The following ATP8A2 variants were observed in gnomAD, a reference collection of about 807,000 sequenced individuals.
ATP8A2 encodes the protein phospholipid-transporting ATPase IB.
ATP8A2 carries 100 observed loss-of-function variants against 165.6 expected under a neutral mutation model. The observed-to-expected ratio is 0.60, with a 90% CI of 0.51 to 0.71. The LOEUF is 0.71. Ranked by LOEUF, ATP8A2 falls within the 30% of genes least tolerant of loss-of-function variation. The pLI is 0.00. For missense variants in ATP8A2, 1,227 were observed against 1,479.5 expected (o/e 0.83, Z 2.80); for synonymous variants, 543 against 548.8 (o/e 0.99, Z 0.15).
rs1957088880 is a variant in ATP8A2 at position 26,022,037 on chromosome 13, A to G, written c.*2052A>G. The G allele has an allele frequency of 6.6e-6, 1 of 152,202 alleles. No homozygotes were observed. Among genetic ancestry groups the G allele is most frequent in the South Asian group, 2.1e-4 (1 of 4,824 alleles). The allele number at this position is 152,202 out of a possible 1,614,324, so 9.4% of individuals were successfully genotyped here. ...AATGCAATTCACAGGTGAGGCTCCA[A>G]AAAGGGCCATTTCTTTCTCCCCAAG... On this transcript the variant is annotated 3_prime_UTR_variant, in exon 37 of 37. Transcript: ENST00000381655.
intron 33 of ATP8A2, among the ~76,000 whole-genome samples, chr13:25,920,538 G>T (rs61947369): frequency 7.9e-5 from 12 of 152,020 alleles, no homozygotes; most frequent in Non-Finnish European, 1.5e-5. Context: ...GCCAAAAGCC[G>T]AAGTCCTCCC....
intron 33 of ATP8A2, among the ~76,000 whole-genome samples, chr13:25,928,602 GT>G (rs982211781): frequency 6.6e-6 from 1 of 152,204 alleles, no homozygotes; most frequent in Non-Finnish European, 1.5e-5. Flanking sequence ...CAGAAGTGGT[GT>G]TTCAATAATA....
In ATP8A2 at chr13:25,563,942, G is replaced by A. The variant is rs2039236459; in HGVS notation, c.1398-14G>A. The A allele has an allele frequency of 6.3e-7, 1 of 1,594,308 alleles. No homozygotes were observed. Among genetic ancestry groups the A allele is most frequent in the African/African-American group, 1.3e-5 (1 of 74,470 alleles). On this transcript the variant is annotated splice_polypyrimidine_tract_variant and intron_variant, in intron 15 of 36. Coordinates refer to ENST00000381655, the MANE Select transcript of ATP8A2 (RefSeq NM_016529.6). Reference sequence around the variant, plus strand: ...CTTTTAAATTGAATAAATTTTCTCTGTTCTCTCTTACAGTCGGATGCCTCC... The same window carrying A: ...CTTTTAAATTGAATAAATTTTCTCTATTCTCTCTTACAGTCGGATGCCTCC...
In ATP8A2 at chr13:25,900,623, G is replaced by A. The variant is rs564575592; in HGVS notation, c.3183+38215G>A. Among the ~76,000 whole-genome samples the A allele has an allele frequency of 2.9e-4, 44 of 152,318 alleles. 1 individual carries two copies. In the South Asian group the frequency reaches 5.2e-3, roughly 18 times the overall value. On this transcript the variant is annotated intron_variant, in intron 33 of 36. Coordinates refer to ENST00000381655, the MANE Select transcript of ATP8A2 (RefSeq NM_016529.6). ...TAATAAGGAAGGGGCACACTGAGGC[G>A]TGTTCAACCTTATGTCTGATGTGGT...
intron 24 of ATP8A2, among the ~76,000 whole-genome samples, chr13:25,624,458 A>C (rs761996704): frequency 6.6e-6 from 1 of 152,084 alleles, no homozygotes; most frequent in Non-Finnish European, 1.5e-5. Flanking sequence ...TTTCACTTCA[A>C]TGTAATTTAT....
chr13:25,486,799 C>T (rs181915982), intron 2 of ATP8A2, among the ~76,000 whole-genome samples: 4 of 152,198 alleles, frequency 2.6e-5, no homozygotes, highest in Admixed American at 6.5e-5. Flanking sequence ...AACCCCATCT[C>T]TATCAAAAGT....
intron 2 of ATP8A2, among the ~76,000 whole-genome samples, chr13:25,489,533 C>A (rs1401652767): frequency 6.6e-6 from 1 of 152,222 alleles, no homozygotes; most frequent in Non-Finnish European, 1.5e-5. Context: ...GACTCTCCTG[C>A]TCTGCTGTGT....
At chr13:25,375,974 T>C (rs2032611292) in intron 1 of ATP8A2, among the ~76,000 whole-genome samples, 1 of 152,144 alleles carries the variant, frequency 6.6e-6, no homozygotes, top group South Asian at 2.1e-4. Flanking sequence ...TTAATGTGTG[T>C]TTTCTGTTTT....
intron 24 of ATP8A2, among the ~76,000 whole-genome samples, chr13:25,641,314 TG>T (rs2041514488): frequency 2.0e-5 from 3 of 152,266 alleles, no homozygotes; most frequent in African/African-American, 7.2e-5. Flanking sequence ...GAAGTCAAAT[TG>T]CCCCTGTTTG....
At chr13:25,867,233 A>G (rs1319510203) in intron 33 of ATP8A2, among the ~76,000 whole-genome samples, 1 of 150,656 alleles carries the variant, frequency 6.6e-6, no homozygotes, top group Non-Finnish European at 1.5e-5. Context: ...ATCCCAGTGG[A>G]CTGTAAGTAA....
chr13:25,739,192 C>T (rs1002853346), intron 25 of ATP8A2, among the ~76,000 whole-genome samples: 1 of 152,250 alleles, frequency 6.6e-6, no homozygotes, highest in Non-Finnish European at 1.5e-5. Flanking sequence ...GAGTGTCAGC[C>T]TTCCATGGCA....
chr13:25,812,705 A>G (rs1164209220), intron 27 of ATP8A2, among the ~76,000 whole-genome samples: 2 of 151,968 alleles, frequency 1.3e-5, no homozygotes, highest in Non-Finnish European at 2.9e-5. Flanking sequence ...ACATTAAATT[A>G]TGGTAAAACT....
intron 24 of ATP8A2, among the ~76,000 whole-genome samples, chr13:25,629,424 T>C (rs1374822832): frequency 6.6e-6 from 1 of 152,186 alleles, no homozygotes; most frequent in Non-Finnish European, 1.5e-5. Context: ...ATTAATGATT[T>C]TCCTTTTAAT....
At chr13:25,944,655 GC>G (rs1307377929) in intron 33 of ATP8A2, 1 of 152,076 alleles carries the variant, frequency 6.6e-6, no homozygotes, top group Non-Finnish European at 1.5e-5. Context: ...TGATGAACAA[GC>G]CCAGGTCAGA....
At chr13:25,758,624 G>C (rs1343311233) in intron 25 of ATP8A2, among the ~76,000 whole-genome samples, 2 of 152,132 alleles carry the variant, frequency 1.3e-5, no homozygotes, top group Non-Finnish European at 2.9e-5. Context: ...CTATAGGCAG[G>C]CCCCCATGTA....
intron 24 of ATP8A2, among the ~76,000 whole-genome samples, chr13:25,641,462 C>T (rs1477618694): frequency 6.6e-6 from 1 of 152,258 alleles, no homozygotes; most frequent in East Asian, 1.9e-4. Flanking sequence ...ACACCAATAA[C>T]AGACAAACAG....
Position 25,737,273 on chromosome 13 carries a change from A to G in ATP8A2, c.2385-31773A>G, listed in dbSNP as rs1287713163. Among the ~76,000 whole-genome samples the G allele has an allele frequency of 2.6e-5, 4 of 152,228 alleles. No homozygotes were observed. In the East Asian group the frequency reaches 7.7e-4, roughly 29 times the overall value. On this transcript the variant is annotated intron_variant, in intron 25 of 36. Coordinates refer to ENST00000381655, the MANE Select transcript of ATP8A2 (RefSeq NM_016529.6). ...CAAGCCTGTGCCAAAACTCACACTC[A>G]GGTGTTTGCACCTTATGTTTGTGTT... is the stretch of plus-strand genomic sequence containing the variant.
intron 24 of ATP8A2, among the ~76,000 whole-genome samples, chr13:25,681,398 C>T (rs1005436530): frequency 1.3e-5 from 2 of 152,170 alleles, no homozygotes; most frequent in African/African-American, 4.8e-5. Context: ...TTGCGTACCC[C>T]ATAGTGTTTA....
At chr13:25,591,456 G>A (rs1382537046) in intron 24 of ATP8A2, 1 of 438,528 alleles carries the variant, frequency 2.3e-6, no homozygotes, top group Admixed American at 2.4e-5. Flanking sequence ...TGTCTTCAAG[G>A]TTCATCCATA....
Sources: gnomAD v4.1 joint callset for allele counts (sites outside exome capture counted in the v4.1 genomes callset) on GRCh38, gnomAD v4.1.1 for gene constraint, MANE v1.5 for transcripts, NCBI Gene and HGNC (gene_info 2026-07-23, HGNC 2026-07-21) for gene names.